CHRNG: variants seen among roughly 807,000 people sequenced by gnomAD.
CHRNG encodes the protein cholinergic receptor nicotinic gamma subunit, also known as acetylcholine receptor subunit gamma.
In CHRNG, 72 loss-of-function variants were observed where a neutral mutation model predicts 65.2. That is an observed-to-expected ratio of 1.10 (90% CI 0.91 to 1.34). The LOEUF is 1.34. CHRNG is among the 40% of genes most tolerant of loss of function. The pLI is 0.00. For synonymous variants in CHRNG, 284 were observed against 290.2 expected (o/e 0.98, Z 0.22); for missense variants, 637 against 680.1 (o/e 0.94, Z 0.70).
intron 9 of CHRNG, among the ~76,000 whole-genome samples, chr2:232,544,013 G>A (rs932945569): frequency 1.3e-5 from 2 of 152,234 alleles, no homozygotes; most frequent in African/African-American, 4.8e-5. Context: ...AAAAGCAGGA[G>A]TCTGCCAGGG....
intron 11 of CHRNG, 150 bp from the exon 12 acceptor site, chr2:232,545,393 G>A (rs765066174): frequency 4.3e-5 from 32 of 742,984 alleles, no homozygotes; most frequent in Non-Finnish European, 6.3e-5. Flanking sequence ...AGGGGGCCAT[G>A]GAATTAGCCA....
At chr2:232,542,396 T>C (rs1692036051) in intron 5 of CHRNG, 27 bp from the exon 6 acceptor site, 1 of 1,532,946 alleles carries the variant, frequency 6.5e-7, no homozygotes, top group South Asian at 1.1e-5. Flanking sequence ...CCGCTCACAT[T>C]TAGCCTCTTT....
chr2:232,539,872 T>C (rs1401623511), intron 1 of CHRNG, 70 bp downstream of exon 1: 47 of 1,608,118 alleles, frequency 2.9e-5, no homozygotes, highest in Non-Finnish European at 3.7e-5. Context: ...GGATGGAGGG[T>C]CTGAGGGGTA....
intron 9 of CHRNG, 53 bp downstream of exon 9, chr2:232,543,752 T>C: frequency 9.2e-7 from 1 of 1,088,242 alleles, no homozygotes; most frequent in Non-Finnish European, 1.4e-6. Context: ...CCCCTACGCC[T>C]CCCTCTCGCA....
intron 9 of CHRNG, 46 bp from the exon 10 acceptor site, chr2:232,544,321 C>A: frequency 6.9e-7 from 1 of 1,455,342 alleles, no homozygotes; most frequent in Non-Finnish European, 9.6e-7. Context: ...CTGGCTTCTG[C>A]TCTGAAGCTC....
rs1389974232 is a variant in CHRNG at position 232,542,965 on chromosome 2, A to G, written c.688A>G (p.Lys230Glu). 1 of 1,614,058 alleles carries G rather than the reference A, an allele frequency of 6.2e-7. No individual in the cohort carries two copies. ...GCCAGCCCAGGAAGCAGGCCACCAG[A>G]AGGTGGTGTTCTACCTGCTCATCCA... ...AAPAQEAGHQKVVFYLLIQRK... is the reference protein window; with the variant it reads ...AAPAQEAGHQEVVFYLLIQRK... Residue 230 changes from lysine (K) to glutamate (E), a missense_variant, in exon 7 of 12, where the codon AAG (lysine) becomes GAG (glutamate). Coordinates refer to ENST00000651502, the MANE Select transcript of CHRNG (RefSeq NM_005199.5).
In CHRNG at chr2:232,543,647, A is replaced by ATGC. The variant is rs771407292; in HGVS notation, c.985_986insCTG (p.Asn328_Val329insAla). On this transcript the variant is annotated inframe_insertion, in exon 9 of 12. Transcript: ENST00000651502. ...GTCGTGAATGCTGTGGTTGTGCTCA[A>ATGC]TGTCTCCTTGCGGTCTCCACACACA... is the stretch of plus-strand genomic sequence containing the variant. 6.2e-7 allele frequency: 1 copy of ATGC among 1,613,842 alleles called. No homozygotes were observed. The highest frequency in any genetic ancestry group is 1.1e-5 in the South Asian group (1 of 91,072).
In CHRNG at chr2:232,543,480, A is replaced by AC. The variant is rs34697564; in HGVS notation, c.921-97dup. On this transcript the variant is annotated intron_variant, in intron 8 of 11. Coordinates refer to ENST00000651502, the MANE Select transcript of CHRNG (RefSeq NM_005199.5). ...TGCATTGCCCTCTTGCCCTCCATCC[A>AC]CCCCCCCCATCCTCAATTCAGGAGG... 277,358 of 1,109,192 alleles carry AC rather than the reference A, an allele frequency of 0.25. 35,071 individuals are homozygous for AC. The highest frequency in any genetic ancestry group is 0.39 in the Admixed American group (20,149 of 51,072). 68.7% of individuals were successfully genotyped at this position (1,109,192 alleles called of 1,614,324 possible).
chr2:232,545,311 T>G (rs988812696), intron 11 of CHRNG, among the ~76,000 whole-genome samples: 2 of 124,786 alleles, frequency 1.6e-5, no homozygotes, highest in Non-Finnish European at 3.2e-5. Context: ...GACGTGAGAC[T>G]CCGTCTCAAA....
rs1327799873 is a variant in CHRNG, at chr2:232,541,421, C to T, written c.398C>T (p.Ser133Phe). The stretch of plus-strand genomic sequence containing the variant: ...GCCCTCTACTGCAATGTGCTCGTGT[C>T]CCCTGACGGCTGTATCTACTGGCTG... ...EVALYCNVLV[S>F]PDGCIYWLPP... The change falls in exon 5 of 12, where the codon TCC (serine) becomes TTC (phenylalanine). Residue 133 changes from serine (S) to phenylalanine (F), a missense_variant. By Grantham distance (155) the Ser-to-Phe change is radical. Coordinates refer to ENST00000651502, the MANE Select transcript of CHRNG (RefSeq NM_005199.5). This position sits in a 1 kb window ranked among gnomAD's most constrained non-coding sequence, Gnocchi z 4.0. 3.1e-6 allele frequency: 5 copies of T among 1,613,998 alleles called. No homozygotes were observed. The highest frequency in any genetic ancestry group is 1.3e-5 in the African/African-American group (1 of 74,910).
Position 232,545,813 on chromosome 2 carries a change from T to A in CHRNG, c.*97T>A, listed in dbSNP as rs951485221. ...CCTACTGAGGTCCTAAGTGTGCTCT[T>A]TGGGAAGTGCCCTTCAGGACTGTGT... is the stretch of plus-strand genomic sequence containing the variant. On this transcript the variant is annotated 3_prime_UTR_variant, in exon 12 of 12. Transcript: ENST00000651502. The A allele has an allele frequency of 1.5e-6, 2 of 1,378,724 alleles. No homozygotes were observed. Among genetic ancestry groups the A allele is most frequent in the Admixed American group, 3.4e-5 (2 of 58,536 alleles). The allele number at this position is 1,378,724 out of a possible 1,614,324, so 85.4% of individuals were successfully genotyped here. A position where few individuals can be genotyped will look rare whatever the true frequency, so the allele number is the denominator to read the frequency against.
chr2:232,540,311 T>C lies in CHRNG; in HGVS notation c.196-70T>C. 1 of 1,602,442 alleles carries C rather than the reference T, an allele frequency of 6.2e-7. No individual in the cohort carries two copies. Among genetic ancestry groups the C allele is most frequent in the Non-Finnish European group, 8.6e-7 (1 of 1,169,494 alleles). On this transcript the variant is annotated intron_variant, in intron 2 of 11. Transcript: ENST00000651502. This position sits in a 1 kb window ranked among gnomAD's most constrained non-coding sequence, Gnocchi z 4.2. ...AGAGGCTGGGGGATGCTTGGCCCCA[T>C]TGGTGGCCTGTGGGGACTGGCACTG... is the stretch of plus-strand genomic sequence containing the variant.
At position 232,540,477 on chromosome 2, in the gene CHRNG, C is replaced by T; in HGVS notation, c.240+52C>T. On this transcript the variant is annotated intron_variant, in intron 3 of 11. Coordinates refer to ENST00000651502, the MANE Select transcript of CHRNG (RefSeq NM_005199.5). The surrounding 1 kb of genome is among the most constrained non-coding windows in gnomAD (Gnocchi z 4.2). ...TCCATCAGGGGTCCCACCCCACCAC[C>T]CCAAGGCCTCCTGAGAGTTGCCTGC... is the stretch of plus-strand genomic sequence containing the variant. 1 of 1,608,734 alleles carries T rather than the reference C, an allele frequency of 6.2e-7. No homozygotes were observed. Among genetic ancestry groups the T allele is most frequent in the Non-Finnish European group, 8.5e-7 (1 of 1,177,584 alleles).
Position 232,540,425 on chromosome 2 carries a change from G to C in CHRNG, c.240G>C (p.Met80Ile). Residue 80 changes from methionine to isoleucine, a missense_variant and splice_region_variant, in exon 3 of 12, where the codon ATG becomes ATC. Met to Ile is a conservative substitution (Grantham distance 10). Transcript: ENST00000651502. This position sits in a 1 kb window ranked among gnomAD's most constrained non-coding sequence, Gnocchi z 4.2. ...TCACCACCAATGTCTGGATAGAGAT[G>C]GTAAGAGGCCACCCTGCCACCCTCC... Reference protein sequence around the residue: ...EALTTNVWIEMQWCDYRLRWD... With the variant: ...EALTTNVWIEIQWCDYRLRWD... The C allele has an allele frequency of 6.2e-7, 1 of 1,613,946 alleles. No homozygotes were observed. The highest frequency in any genetic ancestry group is 8.5e-7 in the Non-Finnish European group (1 of 1,179,990).
At position 232,541,949 on chromosome 2, in the gene CHRNG, C is replaced by T. The variant is rs983697942; in HGVS notation, c.506+420C>T. 1.8e-5 allele frequency: 6 copies of T among 332,826 alleles called. No individual in the cohort carries two copies. Among genetic ancestry groups the T allele is most frequent in the African/African-American group, 8.4e-5 (4 of 47,498 alleles). 20.6% of individuals were successfully genotyped at this position (332,826 alleles called of 1,614,324 possible). A position where few individuals can be genotyped will look rare whatever the true frequency, so the allele number is the denominator to read the frequency against. ...GGAAGCATGTATGCAACCAAGCCACCCCTGGGGGTCTCTGGGTCTGTTTCC... is the reference window on the plus strand; with the variant it reads ...GGAAGCATGTATGCAACCAAGCCACTCCTGGGGGTCTCTGGGTCTGTTTCC... On this transcript the variant is annotated intron_variant, in intron 5 of 11. Coordinates refer to ENST00000651502, the MANE Select transcript of CHRNG (RefSeq NM_005199.5). This position sits in a 1 kb window ranked among gnomAD's most constrained non-coding sequence, Gnocchi z 4.0.
intron 7 of CHRNG, 50 bp downstream of exon 7, chr2:232,543,132 G>A (rs764938298): frequency 1.3e-6 from 2 of 1,585,334 alleles, no homozygotes; most frequent in East Asian, 2.2e-5. Flanking sequence ...GGGGACACCT[G>A]GGAGGCCGGG....
Position 232,545,828 on chromosome 2 carries a change from C to CCCAA in CHRNG, c.*112_*113insCCAA. The CCCAA allele has an allele frequency of 1.6e-6, 2 of 1,251,532 alleles. No homozygotes were observed. Among genetic ancestry groups the CCCAA allele is most frequent in the South Asian group, 2.4e-5 (2 of 82,442 alleles). 77.5% of individuals were successfully genotyped at this position (1,251,532 alleles called of 1,614,324 possible). A position where few individuals can be genotyped will look rare whatever the true frequency, so the allele number is the denominator to read the frequency against. Reference sequence around the variant, plus strand: ...AGTGTGCTCTTTGGGAAGTGCCCTTCAGGACTGTGTGAGCCAAACAGCCCT... The same window carrying CCCAA: ...AGTGTGCTCTTTGGGAAGTGCCCTTCCCAAAGGACTGTGTGAGCCAAACAGCCCT... On this transcript the variant is annotated 3_prime_UTR_variant, in exon 12 of 12. Transcript: ENST00000651502.
At chr2:232,543,462 C>T in intron 8 of CHRNG, 73 bp downstream of exon 8, 1 of 1,260,336 alleles carries the variant, frequency 7.9e-7, no homozygotes, top group African/African-American at 1.5e-5. Context: ...TCCTGCATTG[C>T]CCTCTTGCCC....
chr2:232,544,938 G>GT, intron 11 of CHRNG, 36 bp downstream of exon 11: 1 of 1,613,222 alleles, frequency 6.2e-7, no homozygotes, highest in South Asian at 1.1e-5. Context: ...GGTGGAGTGA[G>GT]TACCTGGGCT....
Sources: gnomAD v4.1 joint callset for allele counts (sites outside exome capture counted in the v4.1 genomes callset) on GRCh38, gnomAD v4.1.1 for gene constraint, Gnocchi (gnomAD v3.1) non-coding constraint, MANE v1.5 for transcripts, NCBI Gene and HGNC (gene_info 2026-07-23, HGNC 2026-07-21) for gene names.